Variants in CNTNAP4 observed in about 807,000 individuals in gnomAD.
The protein encoded by CNTNAP4 is contactin-associated protein-like 4.
Under a neutral mutation model 148.4 loss-of-function variants are expected in CNTNAP4, and 98 were observed. The observed-to-expected ratio is 0.66, with a 90% CI of 0.56 to 0.78. CNTNAP4 has a LOEUF of 0.78. CNTNAP4 is among the 30% of genes least tolerant of loss of function. CNTNAP4 has a pLI of 0.00. For synonymous variants in CNTNAP4, 730 were observed against 565.1 expected, an observed-to-expected ratio of 1.29 and a Z score of -4.14; for missense variants, 1,935 against 1,565.6, an observed-to-expected ratio of 1.24 and a Z score of -3.98.
At chr16:76,400,806 C>T (rs562340519) in intron 3 of CNTNAP4, among the ~76,000 whole-genome samples, 10 of 152,212 alleles carry the variant, frequency 6.6e-5, no homozygotes, top group Admixed American at 5.2e-4. Flanking sequence ...GTCCTTTCCA[C>T]GTTGCTTGTT....
At chr16:76,361,034 AG>A (rs2013369574) in intron 3 of CNTNAP4, among the ~76,000 whole-genome samples, 2 of 151,750 alleles carry the variant, frequency 1.3e-5, no homozygotes, top group South Asian at 4.2e-4. Context: ...CACGTTAGCC[AG>A]GATGGCCTCG....
intron 2 of CNTNAP4, among the ~76,000 whole-genome samples, chr16:76,345,239 C>A (rs547501278): frequency 6.6e-6 from 1 of 152,144 alleles, no homozygotes; most frequent in Non-Finnish European, 1.5e-5. Flanking sequence ...ATTCCTCTGG[C>A]TAGCTCCCAG....
At position 76,292,984 on chromosome 16, in the gene CNTNAP4, C is replaced by G. The variant is rs532925967; in HGVS notation, c.85+15237C>G. On this transcript the variant is annotated intron_variant, in intron 1 of 23. Coordinates refer to ENST00000611870, the MANE Select transcript of CNTNAP4 (RefSeq NM_033401.5). ...GAGTAGTGCTACTGATTAATTCCAG[C>G]CACTTTCAAAAAAGAAAAATATCAG... 2.0e-5 allele frequency among the ~76,000 whole-genome samples: 3 copies of G among 152,180 alleles called. No homozygotes were observed. The East Asian group carries it at 5.8e-4, about 29-fold the overall frequency.
At chr16:76,383,112 CTTT>C (rs5817988) in intron 3 of CNTNAP4, among the ~76,000 whole-genome samples, 1 of 147,272 alleles carries the variant, frequency 6.8e-6, no homozygotes, top group Non-Finnish European at 1.5e-5. Context: ...ATTTATCCCA[CTTT>C]TTTTTTTTTA....
intron 4 of CNTNAP4, among the ~76,000 whole-genome samples, chr16:76,439,548 C>T (rs559325413): frequency 1.3e-3 from 197 of 152,198 alleles, no homozygotes; most frequent in Non-Finnish European, 2.3e-3. Context: ...TTACATCCTC[C>T]GGTGATGCAT....
rs866170086 is a variant in CNTNAP4, at chr16:76,397,978, A to G, written c.391-29474A>G. On this transcript the variant is annotated intron_variant, in intron 3 of 23. Transcript: ENST00000611870. ...TATATATATATATATATATATATATATATATATATATATATATATATATGG... is the reference window on the plus strand; with the variant it reads ...TATATATATATATATATATATATATGTATATATATATATATATATATATGG... 1.5e-3 allele frequency among the ~76,000 whole-genome samples: 118 copies of G among 77,152 alleles called. 15 individuals carry two copies. The highest frequency in any genetic ancestry group is 5.2e-3 in the Middle Eastern group (1 of 194). The allele number at this position is 77,152 out of a possible 152,430, so 50.6% of individuals were successfully genotyped here.
chr16:76,547,164 T>A (rs1487246917), intron 21 of CNTNAP4, among the ~76,000 whole-genome samples: 1 of 152,160 alleles, frequency 6.6e-6, no homozygotes, highest in Non-Finnish European at 1.5e-5. Flanking sequence ...TAGAAAATTA[T>A]AGAAAAAGAA....
In CNTNAP4 at chr16:76,384,092, G is replaced by C. The variant is rs544965204; in HGVS notation, c.390+28581G>C. Among the ~76,000 whole-genome samples, 35 of 152,132 alleles carry C rather than the reference G, an allele frequency of 2.3e-4. 1 individual carries two copies. Among genetic ancestry groups the C allele is most frequent in the Admixed American group, 6.5e-4 (10 of 15,276 alleles). The stretch of plus-strand genomic sequence containing the variant: ...GGAGTCTCGCCCTGTTGCCCAGGCT[G>C]GAGTGCAGTGGCACTATCTTGGCTC... On this transcript the variant is annotated intron_variant, in intron 3 of 23. Coordinates refer to ENST00000611870, the MANE Select transcript of CNTNAP4 (RefSeq NM_033401.5).
intron 14 of CNTNAP4, among the ~76,000 whole-genome samples, chr16:76,496,104 T>TGTGTGTGTGTGTGTGTGC (rs770815373): frequency 6.6e-6 from 1 of 150,646 alleles, no homozygotes; most frequent in Non-Finnish European, 1.5e-5. Flanking sequence ...TGTGTGTGTG[T>TGTGTGTGTGTGTGTGTGC]GTGCGTGTAT....
chr16:76,502,387 T>TTC (rs2082685406), intron 15 of CNTNAP4, among the ~76,000 whole-genome samples: 1 of 149,842 alleles, frequency 6.7e-6, no homozygotes, highest in Non-Finnish European at 1.5e-5. Context: ...TTTTTTTTTT[T>TTC]CATTTCCAAG....
At chr16:76,372,737 C>G (rs1393800006) in intron 3 of CNTNAP4, among the ~76,000 whole-genome samples, 4 of 152,136 alleles carry the variant, frequency 2.6e-5, no homozygotes, top group Non-Finnish European at 5.9e-5. Flanking sequence ...ATAAATTACC[C>G]AGTCTTGGAT....
intron 3 of CNTNAP4, among the ~76,000 whole-genome samples, chr16:76,383,931 A>G (rs2016252288): frequency 6.6e-6 from 1 of 152,208 alleles, no homozygotes; most frequent in African/African-American, 2.4e-5. Context: ...GAAAATGTCC[A>G]TAATAAAAAT....
chr16:76,386,603 C>CATAGT (rs1301096682), intron 3 of CNTNAP4, among the ~76,000 whole-genome samples: 2 of 151,526 alleles, frequency 1.3e-5, no homozygotes, highest in East Asian at 3.9e-4. Context: ...GTGCTAGAAA[C>CATAGT]ATAGTAGGTA....
chr16:76,498,465 C>G (rs1251982591), intron 14 of CNTNAP4, 102 bp from the exon 15 acceptor site: 4 of 855,028 alleles, frequency 4.7e-6, no homozygotes, highest in South Asian at 2.0e-5. Flanking sequence ...TGGATCCATA[C>G]TCTTTTGTAG....
intron 4 of CNTNAP4, among the ~76,000 whole-genome samples, chr16:76,442,976 G>C (rs4888509): frequency 0.24 from 35,993 of 151,958 alleles, 5,763 homozygotes; most frequent in African/African-American, 0.45. Flanking sequence ...TGGCTGAAAA[G>C]GGGGCTAGAC....
intron 10 of CNTNAP4, among the ~76,000 whole-genome samples, chr16:76,472,945 C>G (rs2081426364): frequency 6.6e-6 from 1 of 152,036 alleles, no homozygotes; most frequent in South Asian, 2.1e-4. Context: ...TAAGTTACCC[C>G]TGAACTTAAA....
chr16:76,383,157 A>G (rs543587188), intron 3 of CNTNAP4, among the ~76,000 whole-genome samples: 1 of 151,772 alleles, frequency 6.6e-6, no homozygotes, highest in East Asian at 1.9e-4. Flanking sequence ...GTAACCAAAT[A>G]TTTAATGAAA....
At chr16:76,396,330 C>T (rs1204389107) in intron 3 of CNTNAP4, among the ~76,000 whole-genome samples, 3 of 152,164 alleles carry the variant, frequency 2.0e-5, no homozygotes, top group Non-Finnish European at 2.9e-5. Context: ...CAGAAACACA[C>T]CTATAGGCAC....
intron 3 of CNTNAP4, among the ~76,000 whole-genome samples, chr16:76,397,901 A>C (rs559423011): frequency 2.3e-5 from 3 of 131,702 alleles, no homozygotes; most frequent in African/African-American, 8.4e-5. Flanking sequence ...TTTAGCATAC[A>C]TATATTAGGG....
Sources: allele counts gnomAD v4.1 joint callset (sites outside exome capture counted in the v4.1 genomes callset), GRCh38; gene constraint gnomAD v4.1.1; transcripts MANE v1.5; gene names NCBI Gene and HGNC (gene_info 2026-07-23, HGNC 2026-07-21).